ARHGAP28: variants seen among roughly 807,000 people sequenced by gnomAD.
The protein encoded by ARHGAP28 is Rho GTPase activating protein 28, also known as rho GTPase-activating protein 28.
Under a neutral mutation model 90.7 loss-of-function variants are expected in ARHGAP28, and 56 were observed. The observed-to-expected ratio is 0.62, with a 90% CI of 0.50 to 0.77. ARHGAP28 has a LOEUF of 0.77. Among genes scored for constraint, ARHGAP28 ranks in the 30% least tolerant of loss-of-function variants. ARHGAP28 has a pLI of 0.00. For missense variants in ARHGAP28, 869 were observed against 900.9 expected (o/e 0.96, Z 0.45); for synonymous variants, 308 against 323.3 (o/e 0.95, Z 0.51).
Position 6,820,444 on chromosome 18 carries a change from CATGTT to C in ARHGAP28, c.123-4315_123-4311del, listed in dbSNP as rs150010197. ...GGGCAACATCAAACAGCCTGACAGTCATGTTATTGGAGTTCCAGGAGAGGAGAGAG... is the reference window on the plus strand; with the variant it reads ...GGGCAACATCAAACAGCCTGACAGTCATTGGAGTTCCAGGAGAGGAGAGAG... On this transcript the variant is annotated intron_variant, in intron 1 of 17. Coordinates refer to ENST00000383472, the MANE Select transcript of ARHGAP28 (RefSeq NM_001366230.1). Among the ~76,000 whole-genome samples, 569 of 152,142 alleles carry C rather than the reference CATGTT, an allele frequency of 3.7e-3. 3 individuals are homozygous for C. The highest frequency in any genetic ancestry group is 0.013 in the African/African-American group (535 of 41,516).
chr18:6,844,676 G>A (rs1286555750), intron 3 of ARHGAP28, among the ~76,000 whole-genome samples: 2 of 151,934 alleles, frequency 1.3e-5, no homozygotes, highest in Non-Finnish European at 2.9e-5. Context: ...ATGTGACTCT[G>A]GATAAAGAGG....
chr18:6,908,255 G>A (rs549123215), intron 16 of ARHGAP28, among the ~76,000 whole-genome samples: 13 of 151,682 alleles, frequency 8.6e-5, no homozygotes, highest in South Asian at 8.3e-4. Context: ...CTCCTGCCTC[G>A]GCCTCCTGGG....
In ARHGAP28 at chr18:6,877,132, T is replaced by C. The variant is rs1402568337; in HGVS notation, c.1290+924T>C. ...ACAGCATCTCTTCATTAATTCATTT[T>C]GGTACATGCTTTGGGAAATTCTATT... On this transcript the variant is annotated intron_variant, in intron 10 of 17. Coordinates refer to ENST00000383472, the MANE Select transcript of ARHGAP28 (RefSeq NM_001366230.1). 7.2e-5 allele frequency among the ~76,000 whole-genome samples: 11 copies of C among 152,366 alleles called. No homozygotes were observed. In the East Asian group the frequency reaches 2.1e-3, roughly 29 times the overall value.
At chr18:6,889,751 G>A (rs1299966075) in intron 12 of ARHGAP28, 137 bp from the exon 13 acceptor site, 6 of 755,156 alleles carry the variant, frequency 7.9e-6, no homozygotes, top group Non-Finnish European at 1.3e-5. Flanking sequence ...AGTTAGAGGG[G>A]AAACATGGTA....
At chr18:6,766,047 G>A (rs1375202439) in intron 1 of ARHGAP28, among the ~76,000 whole-genome samples, 2 of 152,082 alleles carry the variant, frequency 1.3e-5, no homozygotes, top group African/African-American at 4.8e-5. Context: ...ATTTGTCTTG[G>A]GGATGTTCCC....
chr18:6,846,021 A>G (rs1567968394), intron 3 of ARHGAP28, among the ~76,000 whole-genome samples: 1 of 152,170 alleles, frequency 6.6e-6, no homozygotes, highest in Admixed American at 6.5e-5. Context: ...AATCCCATGC[A>G]TGATCTATAC....
In ARHGAP28 at chr18:6,839,463, T is replaced by C. The variant is rs183193843; in HGVS notation, c.543+2049T>C. On this transcript the variant is annotated intron_variant, in intron 3 of 17. Coordinates refer to ENST00000383472, the MANE Select transcript of ARHGAP28 (RefSeq NM_001366230.1). ...CGCCAGCCACCACGCCTGGCTAATTTTGTTTTTCTATTTGTAGTAGAGACA... is the reference window on the plus strand; with the variant it reads ...CGCCAGCCACCACGCCTGGCTAATTCTGTTTTTCTATTTGTAGTAGAGACA... 7.7e-3 allele frequency among the ~76,000 whole-genome samples: 1,170 copies of C among 152,112 alleles called. 9 individuals carry two copies. The highest frequency in any genetic ancestry group is 9.8e-3 in the Non-Finnish European group (664 of 67,982).
chr18:6,811,383 A>T (rs2056555212), intron 1 of ARHGAP28, among the ~76,000 whole-genome samples: 2 of 152,168 alleles, frequency 1.3e-5, no homozygotes, highest in African/African-American at 4.8e-5. Context: ...ACCAGCATTG[A>T]ATTTGCCGAT....
chr18:6,911,524 C>A (rs1958411200), intron 17 of ARHGAP28, among the ~76,000 whole-genome samples: 1 of 152,120 alleles, frequency 6.6e-6, no homozygotes, highest in Non-Finnish European at 1.5e-5. Flanking sequence ...CAACCTCAGC[C>A]TCCCAGGTTC....
In ARHGAP28 at chr18:6,910,870, A is replaced by C. The variant is rs1177932879; in HGVS notation, c.2096-1190A>C. On this transcript the variant is annotated intron_variant, in intron 17 of 17. Transcript: ENST00000383472. ...TTGCTTTGTTTTTTTTTTGAGACGG[A>C]GTCTCGCTCTGTCGCCCAGGCTGGA... is the stretch of plus-strand genomic sequence containing the variant. 2.1e-5 allele frequency among the ~76,000 whole-genome samples: 3 copies of C among 143,696 alleles called. No homozygotes were observed. In the East Asian group the frequency reaches 6.4e-4, roughly 31 times the overall value. The allele number at this position is 143,696 out of a possible 152,430, so 94.3% of individuals were successfully genotyped here. A position where few individuals can be genotyped will look rare whatever the true frequency, so the allele number is the denominator to read the frequency against.
chr18:6,761,203 G>A (rs1159872911), intron 1 of ARHGAP28, among the ~76,000 whole-genome samples: 1 of 152,078 alleles, frequency 6.6e-6, no homozygotes, highest in Non-Finnish European at 1.5e-5. Flanking sequence ...CAAGGAACAT[G>A]GGGCGAGCTC....
intron 1 of ARHGAP28, among the ~76,000 whole-genome samples, chr18:6,746,393 A>G (rs1316273271): frequency 2.6e-5 from 4 of 152,312 alleles, no homozygotes; most frequent in Non-Finnish European, 1.5e-5. Context: ...TACATGAACC[A>G]ATAGGGTTGA....
At chr18:6,755,680 G>T (rs1234866996) in intron 1 of ARHGAP28, among the ~76,000 whole-genome samples, 3 of 152,252 alleles carry the variant, frequency 2.0e-5, no homozygotes, top group East Asian at 3.9e-4. Context: ...TAACAATTAT[G>T]CCTGGACAGC....
chr18:6,777,724 C>CAATGAATGAATG (rs899041714), intron 1 of ARHGAP28, among the ~76,000 whole-genome samples: 1 of 151,210 alleles, frequency 6.6e-6, no homozygotes, highest in African/African-American at 2.4e-5. Context: ...GACCCTGTCT[C>CAATGAATGAATG]AATGAATGAA....
chr18:6,844,145 T>G (rs2056848127), intron 3 of ARHGAP28, among the ~76,000 whole-genome samples: 1 of 152,218 alleles, frequency 6.6e-6, no homozygotes, highest in Admixed American at 6.5e-5. Context: ...GGAATTGATG[T>G]ACAACTGACT....
At chr18:6,906,655 G>A (rs1382386198) in intron 16 of ARHGAP28, among the ~76,000 whole-genome samples, 1 of 152,198 alleles carries the variant, frequency 6.6e-6, no homozygotes, top group Non-Finnish European at 1.5e-5. Flanking sequence ...AGACTTAAGT[G>A]TGTAGTGTAA....
At chr18:6,779,499 CTG>C (rs2056308355) in intron 1 of ARHGAP28, among the ~76,000 whole-genome samples, 1 of 152,174 alleles carries the variant, frequency 6.6e-6, no homozygotes. Flanking sequence ...AGCATGAACA[CTG>C]TGTTTATATT....
At chr18:6,841,152 C>CTCTCTCCTCTCTCTCTCTCT (rs1369547091) in intron 3 of ARHGAP28, among the ~76,000 whole-genome samples, 1 of 112,236 alleles carries the variant, frequency 8.9e-6, no homozygotes, top group African/African-American at 3.3e-5. Flanking sequence ...CTGTCTCTCT[C>CTCTCTCCTCTCTCTCTCTCT]CTCTTTCTCT....
At chr18:6,810,146 G>A (rs928476496) in intron 1 of ARHGAP28, among the ~76,000 whole-genome samples, 29 of 152,096 alleles carry the variant, frequency 1.9e-4, no homozygotes, top group African/African-American at 6.8e-4. Context: ...GAATTCCAAA[G>A]CATCTACCTA....
Sources: allele counts gnomAD v4.1 joint callset (sites outside exome capture counted in the v4.1 genomes callset), GRCh38; gene constraint gnomAD v4.1.1; transcripts MANE v1.5; gene names NCBI Gene and HGNC (gene_info 2026-07-23, HGNC 2026-07-21).